The following FMNL3 variants were observed in gnomAD, a reference collection of about 807,000 sequenced individuals.
The protein encoded by FMNL3 is formin like 3.
In FMNL3, 57 loss-of-function variants were observed where a neutral mutation model predicts 119.6. The observed-to-expected ratio is 0.48, with a 90% CI of 0.39 to 0.59. The LOEUF is 0.59. Among genes scored for constraint, FMNL3 ranks in the 20% least tolerant of loss-of-function variants. The pLI is 0.00. For missense variants in FMNL3, 1,053 were observed against 1,323.5 expected (o/e 0.80, Z 3.17); for synonymous variants, 491 against 507.3 (o/e 0.97, Z 0.43).
rs767569237 is a variant in FMNL3 at position 49,643,918 on chromosome 12, A to AAAGAAC, written c.*1891_*1896dup. 2 of 1,614,218 alleles carry AAAGAAC rather than the reference A, an allele frequency of 1.2e-6. No homozygotes were observed. Among genetic ancestry groups the AAAGAAC allele is most frequent in the Admixed American group, 3.3e-5 (2 of 60,030 alleles). ...GAAAGCTGGCAAGGAGAGCGATGAG[A>AAAGAAC]AAGAACAAGAACAGGACAAGGACAG... On this transcript the variant is annotated 3_prime_UTR_variant, in exon 26 of 26. Transcript: ENST00000335154.
intron 9 of FMNL3, 44 bp from the exon 10 acceptor site, chr12:49,655,028 G>C (rs747989644): frequency 3.8e-6 from 6 of 1,588,136 alleles, no homozygotes. Context: ...GCTCCATGCA[G>C]AACCCAAGCC....
intron 5 of FMNL3, 76 bp downstream of exon 5, chr12:49,661,890 C>T: frequency 1.5e-6 from 2 of 1,338,970 alleles, no homozygotes; most frequent in Non-Finnish European, 1.1e-6. Context: ...GAACTCTCAC[C>T]CTTCCTTATC....
intron 22 of FMNL3, 68 bp downstream of exon 22, chr12:49,648,125 C>A: frequency 1.4e-6 from 2 of 1,472,980 alleles, no homozygotes; most frequent in Non-Finnish European, 1.8e-6. Context: ...AAAAATAGAA[C>A]TAGGGCCACC....
intron 1 of FMNL3, among the ~76,000 whole-genome samples, chr12:49,705,642 A>C (rs1022198533): frequency 1.3e-5 from 2 of 152,146 alleles, no homozygotes; most frequent in Non-Finnish European, 2.9e-5. Context: ...TCTCCTCCTC[A>C]GCCTGTGAGA....
At chr12:49,652,279 G>C (rs1339010408) in intron 13 of FMNL3, 67 bp from the exon 14 acceptor site, 2 of 1,534,252 alleles carry the variant, frequency 1.3e-6, no homozygotes, top group African/African-American at 1.4e-5. Flanking sequence ...CCAAGAGTGA[G>C]AATTCCTACC....
Position 49,649,750 on chromosome 12 carries a change from G to T in FMNL3, c.2176C>A (p.Arg726=), listed in dbSNP as rs771732646. The change falls in exon 18 of 26, where the codon CGA becomes AGA. Residue 726 remains arginine, a synonymous_variant. Transcript: ENST00000335154. The surrounding 1 kb of genome is among the most constrained non-coding windows in gnomAD (Gnocchi z 5.6). ...LFSKVERLTQ[R]MAGMAFLGNF... Reference sequence around the variant, plus strand: ...CCCAGGAAGGCCATGCCAGCCATTCGCTGGGTCAACCGTTCCACCTTGCTG... The same window carrying T: ...CCCAGGAAGGCCATGCCAGCCATTCTCTGGGTCAACCGTTCCACCTTGCTG... 2.5e-5 allele frequency: 40 copies of T among 1,614,062 alleles called. 1 individual carries two copies. The Middle Eastern group carries it at 3.5e-3, about 139-fold the overall frequency.
chr12:49,676,445 A>G (rs1458213880), intron 1 of FMNL3, among the ~76,000 whole-genome samples: 1 of 151,150 alleles, frequency 6.6e-6, no homozygotes, highest in Non-Finnish European at 1.5e-5. Context: ...ATCCACATGG[A>G]TGAAATAACA....
At chr12:49,667,070 T>C (rs1002191885) in intron 2 of FMNL3, among the ~76,000 whole-genome samples, 2 of 152,122 alleles carry the variant, frequency 1.3e-5, no homozygotes, top group African/African-American at 2.4e-5. Context: ...GATTCCCTTC[T>C]ACCTAGGACC....
intron 25 of FMNL3, chr12:49,646,626 C>A: frequency 6.7e-7 from 1 of 1,493,252 alleles, no homozygotes; most frequent in Non-Finnish European, 8.9e-7. Flanking sequence ...GGGGCAGCTG[C>A]GGTGCCCAGT....
At chr12:49,691,242 T>C (rs990264478) in intron 1 of FMNL3, among the ~76,000 whole-genome samples, 3 of 152,248 alleles carry the variant, frequency 2.0e-5, no homozygotes, top group Non-Finnish European at 4.4e-5. Context: ...GTGTTTTGCA[T>C]GGTGCCTGGT....
intron 1 of FMNL3, among the ~76,000 whole-genome samples, chr12:49,690,344 G>C (rs1024074187): frequency 6.6e-6 from 1 of 152,084 alleles, no homozygotes; most frequent in Admixed American, 6.5e-5. Context: ...AAAATGGAAT[G>C]AACATTTAGA....
chr12:49,669,440 T>C (rs993102158), intron 1 of FMNL3, among the ~76,000 whole-genome samples: 7 of 152,210 alleles, frequency 4.6e-5, no homozygotes, highest in Admixed American at 2.0e-4. Context: ...GCCCTACCCA[T>C]GCTAGGAGGC....
intron 1 of FMNL3, among the ~76,000 whole-genome samples, chr12:49,678,240 C>T (rs1004144773): frequency 6.6e-6 from 1 of 151,578 alleles, no homozygotes; most frequent in Non-Finnish European, 1.5e-5. Flanking sequence ...TCACCACAAC[C>T]TCTGCCTCCC....
chr12:49,650,166 C>G (rs1393250820), intron 17 of FMNL3, among the ~76,000 whole-genome samples: 2 of 152,192 alleles, frequency 1.3e-5, no homozygotes, highest in African/African-American at 4.8e-5. Context: ...AGTCCAAACA[C>G]CTGAGCATGG....
chr12:49,643,574 T>G lies in FMNL3; in HGVS notation c.*2241A>C, dbSNP rs766116754. On this transcript the variant is annotated 3_prime_UTR_variant, in exon 26 of 26. Transcript: ENST00000335154. The stretch of plus-strand genomic sequence containing the variant: ...GAAGCTGGAGAAGGAAAACTGGACT[T>G]AGACTTCCTCAGAGCATGAGGTTCC... 59 of 1,379,420 alleles carry G rather than the reference T, an allele frequency of 4.3e-5. No individual in the cohort carries two copies. Among genetic ancestry groups the G allele is most frequent in the Non-Finnish European group, 5.8e-5 (59 of 1,020,064 alleles). The allele number at this position is 1,379,420 out of a possible 1,614,324, so 85.4% of individuals were successfully genotyped here. A position where few individuals can be genotyped will look rare whatever the true frequency, so the allele number is the denominator to read the frequency against.
At chr12:49,661,744 T>C (rs1943739411) in intron 5 of FMNL3, 5 of 562,182 alleles carry the variant, frequency 8.9e-6, no homozygotes, top group South Asian at 2.1e-5. Flanking sequence ...TTCTCCAAAA[T>C]GCATCTTATC....
intron 1 of FMNL3, among the ~76,000 whole-genome samples, chr12:49,680,931 T>A (rs1025358600): frequency 1.3e-5 from 2 of 152,248 alleles, no homozygotes; most frequent in Non-Finnish European, 2.9e-5. Context: ...TTCTACCATG[T>A]TCGCCCATCT....
In FMNL3 at chr12:49,643,660, T is replaced by G. The variant is rs1942967141; in HGVS notation, c.*2155A>C. The stretch of plus-strand genomic sequence containing the variant: ...GAAAAAGAGCCTGTCTTTCTCCTGT[T>G]GGGACTTAGTAGGGATTTTTCTATC... On this transcript the variant is annotated 3_prime_UTR_variant, in exon 26 of 26. Transcript: ENST00000335154. The G allele has an allele frequency of 6.2e-7, 1 of 1,605,426 alleles. No individual in the cohort carries two copies. Among genetic ancestry groups the G allele is most frequent in the African/African-American group, 1.3e-5 (1 of 74,202 alleles).
At chr12:49,661,804 G>A in intron 5 of FMNL3, 162 bp downstream of exon 5, 1 of 658,746 alleles carries the variant, frequency 1.5e-6, no homozygotes, top group Non-Finnish European at 2.7e-6. Context: ...ACATCTCCGG[G>A]CTTGCCTGCC....
Sources: allele counts gnomAD v4.1 joint callset (sites outside exome capture counted in the v4.1 genomes callset), GRCh38; gene constraint gnomAD v4.1.1; non-coding constraint Gnocchi (gnomAD v3.1); transcripts MANE v1.5; gene names NCBI Gene and HGNC (gene_info 2026-07-23, HGNC 2026-07-21).